The following SAMD3 variants were observed in gnomAD, a reference collection of about 807,000 sequenced individuals.
The protein encoded by SAMD3 is sterile alpha motif domain-containing protein 3.
A neutral mutation model predicts 58.5 loss-of-function variants in SAMD3; 63 were observed. That is an observed-to-expected ratio of 1.08 (90% CI 0.88 to 1.33). The LOEUF (loss-of-function observed/expected upper bound fraction) is 1.33. Among genes scored for constraint, SAMD3 ranks in the 40% most tolerant of loss-of-function variants. The probability of loss-of-function intolerance (pLI) is 0.00; values close to 1 mark genes in which losing one functional copy is unlikely to be tolerated. For synonymous variants in SAMD3, 220 were observed against 210.3 expected (o/e 1.05, Z -0.40); for missense variants, 604 against 608.4 (o/e 0.99, Z 0.08).
At chr6:130,199,086 G>A (rs891229275) in intron 5 of SAMD3, among the ~76,000 whole-genome samples, 13 of 152,208 alleles carry the variant, frequency 8.5e-5, no homozygotes, top group African/African-American at 3.1e-4. Context: ...AGGAGAACAA[G>A]GGACAAGTGG....
intron 2 of SAMD3, among the ~76,000 whole-genome samples, chr6:130,296,712 G>A (rs1489452368): frequency 6.6e-6 from 1 of 152,076 alleles, no homozygotes; most frequent in Non-Finnish European, 1.5e-5. Context: ...AGGAGAGATT[G>A]GCCATAGAGT....
intron 1 of SAMD3, among the ~76,000 whole-genome samples, chr6:130,314,703 A>G (rs1776301102): frequency 6.6e-6 from 1 of 152,224 alleles, no homozygotes; most frequent in East Asian, 1.9e-4. Context: ...CTTCACAGAT[A>G]AATATCTGGC....
intron 1 of SAMD3, among the ~76,000 whole-genome samples, chr6:130,335,984 A>G (rs1282738227): frequency 6.6e-6 from 1 of 152,132 alleles, no homozygotes; most frequent in Admixed American, 6.5e-5. Context: ...TGGACACAGG[A>G]AGGGGAACAT....
chr6:130,267,688 G>A (rs1774409690), intron 2 of SAMD3, among the ~76,000 whole-genome samples: 1 of 152,188 alleles, frequency 6.6e-6, no homozygotes, highest in South Asian at 2.1e-4. Flanking sequence ...TTTGACCCCT[G>A]ACCTAGCAAG....
intron 5 of SAMD3, among the ~76,000 whole-genome samples, chr6:130,187,732 C>T (rs1054469724): frequency 6.6e-6 from 1 of 152,070 alleles, no homozygotes; most frequent in African/African-American, 2.4e-5. Flanking sequence ...GGGCAGAACA[C>T]CATAATAAGT....
chr6:130,297,857 A>G (rs1775620357), intron 2 of SAMD3, among the ~76,000 whole-genome samples: 2 of 152,224 alleles, frequency 1.3e-5, no homozygotes, highest in Admixed American at 1.3e-4. Flanking sequence ...TTAAAAAATG[A>G]TCAAAGCCTT....
downstream of SAMD3, among the ~76,000 whole-genome samples, chr6:130,143,479 G>A (rs1788378273): frequency 6.6e-6 from 1 of 152,062 alleles, no homozygotes; most frequent in Non-Finnish European, 1.5e-5. Context: ...CCTGACCTCA[G>A]GTGATCTGCC....
intron 9 of SAMD3, among the ~76,000 whole-genome samples, chr6:130,147,081 A>C (rs1788705141): frequency 6.6e-6 from 1 of 152,014 alleles, no homozygotes; most frequent in Non-Finnish European, 1.5e-5. Flanking sequence ...ACCCCATCCT[A>C]CCACTGCCTG....
chr6:130,144,812 A>C lies in SAMD3; in HGVS notation c.1279-8T>G. On this transcript the variant is annotated splice_region_variant and splice_polypyrimidine_tract_variant and intron_variant, in intron 11 of 11. Coordinates refer to ENST00000439090, the MANE Select transcript of SAMD3 (RefSeq NM_001017373.4). The stretch of plus-strand genomic sequence containing the variant: ...AGGTGTGGACACTTGCACCTGAAAA[A>C]AAGAGTGGAGTCATTACCATGATAC... 2 of 1,605,566 alleles carry C rather than the reference A, an allele frequency of 1.2e-6. No individual in the cohort carries two copies. The highest frequency in any genetic ancestry group is 1.7e-6 in the Non-Finnish European group (2 of 1,176,568).
intron 2 of SAMD3, chr6:130,215,926 A>G (rs1380366693): frequency 1.7e-6 from 2 of 1,211,896 alleles, no homozygotes; most frequent in Non-Finnish European, 1.2e-6. Context: ...TCCTTCCAAT[A>G]CTATTCTTAC....
chr6:130,364,913 C>A (rs150020901), intron 1 of SAMD3, among the ~76,000 whole-genome samples: 1 of 121,114 alleles, frequency 8.3e-6, no homozygotes, highest in Non-Finnish European at 1.6e-5. Flanking sequence ...TTATACCCCC[C>A]CAGAAGCAAA....
At chr6:130,284,394 A>C (rs1387464988) in intron 2 of SAMD3, among the ~76,000 whole-genome samples, 3 of 152,192 alleles carry the variant, frequency 2.0e-5, no homozygotes, top group African/African-American at 7.2e-5. Flanking sequence ...AAATAACTAG[A>C]GAATAACAAG....
intron 9 of SAMD3, among the ~76,000 whole-genome samples, chr6:130,149,813 C>T (rs981792078): frequency 6.6e-6 from 1 of 152,186 alleles, no homozygotes; most frequent in African/African-American, 2.4e-5. Context: ...ACCCCCACGA[C>T]ATGCAATCTA....
At chr6:130,324,147 A>C (rs2115004489) in intron 1 of SAMD3, among the ~76,000 whole-genome samples, 1 of 152,356 alleles carries the variant, frequency 6.6e-6, no homozygotes, top group South Asian at 2.1e-4. Context: ...ATTACTGTTA[A>C]TAATTTACAA....
At chr6:130,169,829 C>G (rs1791079732) in intron 8 of SAMD3, among the ~76,000 whole-genome samples, 1 of 152,180 alleles carries the variant, frequency 6.6e-6, no homozygotes, top group Non-Finnish European at 1.5e-5. Context: ...ATCCCGCGGA[C>G]TGACCCTTGA....
intron 2 of SAMD3, among the ~76,000 whole-genome samples, chr6:130,277,219 C>A (rs1372413394): frequency 3.3e-5 from 5 of 152,306 alleles, no homozygotes; most frequent in African/African-American, 1.2e-4. Context: ...TGTGGCCTTT[C>A]ATTAGTTTTA....
intron 2 of SAMD3, among the ~76,000 whole-genome samples, chr6:130,265,767 A>C (rs1011987201): frequency 7.5e-6 from 1 of 134,174 alleles, no homozygotes; most frequent in African/African-American, 2.8e-5. Flanking sequence ...GTTAGCCAAA[A>C]CAGAAAAAAA....
intron 7 of SAMD3, chr6:130,183,568 A>G: frequency 2.7e-6 from 1 of 372,232 alleles, no homozygotes; most frequent in South Asian, 2.1e-5. Context: ...CATCTCCTAA[A>G]GACCCTTCCT....
At chr6:130,324,432 T>C (rs1034877149) in intron 1 of SAMD3, among the ~76,000 whole-genome samples, 1 of 152,240 alleles carries the variant, frequency 6.6e-6, no homozygotes, top group Non-Finnish European at 1.5e-5. Context: ...GTCTATATTT[T>C]TCATATGGTT....
Sources: allele counts gnomAD v4.1 joint callset (sites outside exome capture counted in the v4.1 genomes callset), GRCh38; gene constraint gnomAD v4.1.1; transcripts MANE v1.5; gene names NCBI Gene and HGNC (gene_info 2026-07-23, HGNC 2026-07-21).